The following ZNF233 variants were observed in gnomAD, a reference collection of about 807,000 sequenced individuals.
The protein encoded by ZNF233 is zinc finger protein 233.
ZNF233 carries 7 observed loss-of-function variants against 11.6 expected under a neutral mutation model. The observed-to-expected ratio is 0.60, with a 90% CI of 0.34 to 1.13. The LOEUF (loss-of-function observed/expected upper bound fraction) is 1.13. Ranked by LOEUF, ZNF233 falls within the 50% of genes most tolerant of loss-of-function variation. The probability of loss-of-function intolerance (pLI) is 0.03; values close to 1 mark genes in which losing one functional copy is unlikely to be tolerated. For missense variants in ZNF233, 711 were observed against 785.5 expected (o/e 0.91, Z 1.13); for synonymous variants, 226 against 268.5 (o/e 0.84, Z 1.55).
At chr19:44,268,064 A>T (rs925492620) in intron 4 of ZNF233, 2 of 152,056 alleles carry the variant, frequency 1.3e-5, no homozygotes, top group African/African-American at 4.8e-5. Flanking sequence ...GCACCTCTAT[A>T]AAAAAATTTA....
At chr19:44,268,056 A>T (rs1975139343) in intron 4 of ZNF233, 1 of 152,076 alleles carries the variant, frequency 6.6e-6, no homozygotes, top group South Asian at 2.1e-4. Flanking sequence ...GTGAGACCGC[A>T]CCTCTATAAA....
intron 2 of ZNF233, among the ~76,000 whole-genome samples, chr19:44,265,366 TACACACAC>T (rs67044027): frequency 0.013 from 1,764 of 133,052 alleles, 15 homozygotes; most frequent in Admixed American, 0.022. Context: ...CATATATATA[TACACACAC>T]ACACACACAC....
chr19:44,273,049 G>A lies in ZNF233; in HGVS notation c.389G>A (p.Arg130Lys). Residue 130 changes from arginine to lysine, a missense_variant, in exon 5 of 5, where the codon AGG becomes AAG. By Grantham distance (26) the Arg-to-Lys change is conservative. Coordinates refer to ENST00000683810, the MANE Select transcript of ZNF233 (RefSeq NM_001207005.2). ...CTAATAATAAATCTTCAAGGCAAGA[G>A]GTCCAAGTTGCTAAAACAAGGTGAT... ...QDLIINLQGK[R>K]SKLLKQGDSP... The A allele has an allele frequency of 6.2e-7, 1 of 1,614,130 alleles. No homozygotes were observed. Among genetic ancestry groups the A allele is most frequent in the Non-Finnish European group, 8.5e-7 (1 of 1,180,020 alleles).
chr19:44,272,558 C>A (rs1913253625), intron 4 of ZNF233, among the ~76,000 whole-genome samples: 2 of 151,850 alleles, frequency 1.3e-5, no homozygotes, highest in African/African-American at 2.4e-5. Context: ...CATGGTGAAA[C>A]CCCGTCTGTA....
chr19:44,264,411 CA>C lies in ZNF233; in HGVS notation c.15+37del, dbSNP rs1372553141. The stretch of plus-strand genomic sequence containing the variant: ...TTTTGATTTTTATCTCTTAAAATGA[CA>C]TCTCTTTTCCTCAAAGATTAGACAC... On this transcript the variant is annotated intron_variant, in intron 2 of 4. Coordinates refer to ENST00000683810, the MANE Select transcript of ZNF233 (RefSeq NM_001207005.2). 1.9e-6 allele frequency: 3 copies of C among 1,594,472 alleles called. No homozygotes were observed. In the Admixed American group the frequency reaches 5.3e-5, roughly 28 times the overall value.
chr19:44,260,045 G>A (rs1974889657), intron 1 of ZNF233, 107 bp downstream of exon 1: 1 of 376,548 alleles, frequency 2.7e-6, no homozygotes, highest in Non-Finnish European at 5.4e-6. Flanking sequence ...GCAGAGGGCG[G>A]GGACGACGGT....
At chr19:44,261,349 GC>G (rs571670514) in intron 1 of ZNF233, among the ~76,000 whole-genome samples, 319 of 152,124 alleles carry the variant, frequency 2.1e-3, no homozygotes, top group African/African-American at 7.5e-3. Context: ...GATCGCTTGA[GC>G]CCAGGAGGCA....
chr19:44,264,985 A>G (rs960756598), intron 2 of ZNF233, among the ~76,000 whole-genome samples: 1 of 152,194 alleles, frequency 6.6e-6, no homozygotes, highest in African/African-American at 2.4e-5. Context: ...GGTCAGGTCA[A>G]TAACAGTTTT....
In ZNF233 at chr19:44,268,801, TCC is replaced by T. The variant is rs560394805; in HGVS notation, c.238+1844_238+1845del. Among the ~76,000 whole-genome samples the T allele has an allele frequency of 4.5e-3, 679 of 151,908 alleles. 1 individual carries two copies. The highest frequency in any genetic ancestry group is 7.3e-3 in the Non-Finnish European group (494 of 68,018). On this transcript the variant is annotated intron_variant, in intron 4 of 4. Transcript: ENST00000683810. Reference sequence around the variant, plus strand: ...CTATTCTTTCTCTTCCTTATTTCATTCCCCCTTTTCTTCACTTCTTCCTTCAT... The same window carrying T: ...CTATTCTTTCTCTTCCTTATTTCATTCCCTTTTCTTCACTTCTTCCTTCAT...
Position 44,273,737 on chromosome 19 carries a change from T to A in ZNF233, c.1077T>A (p.Ser359=), listed in dbSNP as rs748704452. 8 of 1,614,026 alleles carry A rather than the reference T, an allele frequency of 5.0e-6. No individual in the cohort carries two copies. The East Asian group carries it at 1.8e-4, about 36-fold the overall frequency. ...CCAACCAGAACTCCTGTCTTCCCTCTCATGAGCTTACTCACCCAGGAGAGA... is the reference window on the plus strand; with the variant it reads ...CCAACCAGAACTCCTGTCTTCCCTCACATGAGCTTACTCACCCAGGAGAGA... The part of the protein sequence containing the change: ...RSSNQNSCLP[S]HELTHPGEKL... Residue 359 remains serine (S), a synonymous_variant, in exon 5 of 5, where the codon TCT becomes TCA. Coordinates refer to ENST00000683810, the MANE Select transcript of ZNF233 (RefSeq NM_001207005.2).
At chr19:44,269,438 G>C (rs191942645) in intron 4 of ZNF233, among the ~76,000 whole-genome samples, 9 of 152,044 alleles carry the variant, frequency 5.9e-5, no homozygotes, top group Non-Finnish European at 1.2e-4. Context: ...AGGGACTATA[G>C]GCGCATGCCA....
At position 44,274,830 on chromosome 19, in the gene ZNF233, AT is replaced by A; in HGVS notation, c.*159del. The stretch of plus-strand genomic sequence containing the variant: ...GAGTTTTTATAGTTATCTGAATTCC[AT>A]TGAAGAAAACCTATTTTTGTATGAA... On this transcript the variant is annotated 3_prime_UTR_variant, in exon 5 of 5. Coordinates refer to ENST00000683810, the MANE Select transcript of ZNF233 (RefSeq NM_001207005.2). 1.5e-6 allele frequency: 1 copy of A among 646,482 alleles called. No homozygotes were observed. Among genetic ancestry groups the A allele is most frequent in the South Asian group, 3.0e-5 (1 of 32,878 alleles). 40.0% of individuals were successfully genotyped at this position (646,482 alleles called of 1,614,324 possible).
rs1194437090 is a variant in ZNF233 at position 44,266,976 on chromosome 19, GCT to G, written c.238+18_238+19del. The G allele has an allele frequency of 5.6e-6, 9 of 1,602,872 alleles. No individual in the cohort carries two copies. Among genetic ancestry groups the G allele is most frequent in the Non-Finnish European group, 7.7e-6 (9 of 1,171,006 alleles). On this transcript the variant is annotated intron_variant, in intron 4 of 4. Coordinates refer to ENST00000683810, the MANE Select transcript of ZNF233 (RefSeq NM_001207005.2). The stretch of plus-strand genomic sequence containing the variant: ...TGGGTGTTCAGGTGAGAACCATGGA[GCT>G]CTGAGTCTTTGCGGGGTACAGCCTA...
rs1410396979 is a variant in ZNF233, at chr19:44,266,228, G to T, written c.46G>T (p.Val16Phe). The T allele has an allele frequency of 3.7e-6, 6 of 1,612,250 alleles. No individual in the cohort carries two copies. The highest frequency in any genetic ancestry group is 5.1e-6 in the Non-Finnish European group (6 of 1,179,070). The change falls in exon 3 of 5, where the codon GTC becomes TTC. Residue 16 changes from valine to phenylalanine, a missense_variant. Physicochemically the swap from Val to Phe is conservative, Grantham distance 50. Coordinates refer to ENST00000683810, the MANE Select transcript of ZNF233 (RefSeq NM_001207005.2). ...EMVTFKDVAVVFTREELGLLD... is the reference protein window; with the variant it reads ...EMVTFKDVAVFFTREELGLLD... ...GGTGACATTCAAGGATGTGGCTGTG[G>T]TCTTCACCAGGGAGGAGCTGGGGTT...
Position 44,274,897 on chromosome 19 carries a change from CAA to C in ZNF233, c.*225_*226del. ...GCAGAGCCCAAAATGTCACAGTTGT[CAA>C]GAGAACACACAACAGAGAAACCCTA... is the stretch of plus-strand genomic sequence containing the variant. On this transcript the variant is annotated 3_prime_UTR_variant, in exon 5 of 5. Transcript: ENST00000683810. The C allele has an allele frequency of 2.1e-6, 1 of 482,898 alleles. No homozygotes were observed. 29.9% of individuals were successfully genotyped at this position (482,898 alleles called of 1,614,324 possible).
At position 44,264,344 on chromosome 19, in the gene ZNF233, AG is replaced by A; in HGVS notation, c.-16del. Reference sequence around the variant, plus strand: ...CCTTCCCAGGACCCTGCCCTTCCCCAGAAGGAGCAGGAGAAAATGACCAAGT... The same window carrying A: ...CCTTCCCAGGACCCTGCCCTTCCCCAAAGGAGCAGGAGAAAATGACCAAGT... On this transcript the variant is annotated 5_prime_UTR_variant, in exon 2 of 5. Coordinates refer to ENST00000683810, the MANE Select transcript of ZNF233 (RefSeq NM_001207005.2). 1 of 1,613,078 alleles carries A rather than the reference AG, an allele frequency of 6.2e-7. No homozygotes were observed. The highest frequency in any genetic ancestry group is 8.5e-7 in the Non-Finnish European group (1 of 1,179,432).
intron 4 of ZNF233, among the ~76,000 whole-genome samples, chr19:44,268,561 C>T (rs374836750): frequency 6.6e-6 from 1 of 152,122 alleles, no homozygotes; most frequent in Non-Finnish European, 1.5e-5. Context: ...TAATATTTGT[C>T]GAATGAGTGA....
rs754649936 is a variant in ZNF233, at chr19:44,274,143, C to T, written c.1483C>T (p.Leu495Phe). 1.7e-5 allele frequency: 27 copies of T among 1,614,010 alleles called. No individual in the cohort carries two copies. Among genetic ancestry groups the T allele is most frequent in the Non-Finnish European group, 2.2e-5 (26 of 1,180,000 alleles). The change falls in exon 5 of 5, where the codon CTT (leucine) becomes TTT (phenylalanine). Residue 495 changes from leucine (L) to phenylalanine (F), a missense_variant. Leu to Phe is a conservative substitution (Grantham distance 22, BLOSUM62 0). Coordinates refer to ENST00000683810, the MANE Select transcript of ZNF233 (RefSeq NM_001207005.2). ...TAAGAACTTCAGCCGTAATTCCCAC[C>T]TTCAGGCCCATCAGAGAGTCCATAC... is the stretch of plus-strand genomic sequence containing the variant. ...CDKNFSRNSHLQAHQRVHTGE... is the reference protein window; with the variant it reads ...CDKNFSRNSHFQAHQRVHTGE...
intron 2 of ZNF233, among the ~76,000 whole-genome samples, chr19:44,265,142 C>G (rs113261753): frequency 9.2e-5 from 14 of 152,078 alleles, no homozygotes; most frequent in African/African-American, 2.7e-4. Flanking sequence ...TCCCTTACCC[C>G]CTTCTCACCC....
Sources: gnomAD v4.1 joint callset for allele counts (sites outside exome capture counted in the v4.1 genomes callset) on GRCh38, gnomAD v4.1.1 for gene constraint, MANE v1.5 for transcripts, NCBI Gene and HGNC (gene_info 2026-07-23, HGNC 2026-07-21) for gene names.